The following PRKN variants were observed in gnomAD, a reference collection of about 807,000 sequenced individuals.
PRKN encodes parkin RBR E3 ubiquitin protein ligase, also known as E3 ubiquitin-protein ligase parkin.
PRKN carries 56 observed loss-of-function variants against 59.5 expected under a neutral mutation model. That is an observed-to-expected ratio of 0.94 (90% confidence interval 0.76 to 1.18). The LOEUF is 1.18. Ranked by LOEUF, PRKN falls within the 50% of genes most tolerant of loss-of-function variation. The pLI is 0.00. For synonymous variants in PRKN, 250 were observed against 222.1 expected, an observed-to-expected ratio of 1.13 and a Z score of -1.12; for missense variants, 657 against 596.4, an observed-to-expected ratio of 1.10 and a Z score of -1.06.
At chr6:162,285,474 T>C (rs1399584647) in intron 2 of PRKN, among the ~76,000 whole-genome samples, 1 of 152,076 alleles carries the variant, frequency 6.6e-6, no homozygotes, top group East Asian at 1.9e-4. Context: ...CATGGGGTTA[T>C]TCATTTCTGC....
chr6:161,492,374 T>A (rs1777591455), intron 9 of PRKN, among the ~76,000 whole-genome samples: 1 of 152,146 alleles, frequency 6.6e-6, no homozygotes, highest in African/African-American at 2.4e-5. Context: ...TGATAAGGGG[T>A]AAAAGTAAAA....
In PRKN at chr6:162,417,801, T is replaced by TG. The variant is rs199553973; in HGVS notation, c.171+25508dup. Among the ~76,000 whole-genome samples, 329 of 152,346 alleles carry TG rather than the reference T, an allele frequency of 2.2e-3. 1 individual carries two copies. Among genetic ancestry groups the TG allele is most frequent in the African/African-American group, 7.6e-3 (314 of 41,586 alleles). On this transcript the variant is annotated intron_variant, in intron 2 of 11. Transcript: ENST00000366898. ...GAGAAATCAAGAGTTAGTGTCCACG[T>TG]GGCAGGTTTTCCAAGACCTAAGTGT...
chr6:161,832,422 G>A (rs556358850), intron 6 of PRKN, among the ~76,000 whole-genome samples: 3 of 152,046 alleles, frequency 2.0e-5, no homozygotes, highest in African/African-American at 4.8e-5. Flanking sequence ...TCAGGAGATC[G>A]AGACCATCCT....
intron 1 of PRKN, among the ~76,000 whole-genome samples, chr6:162,716,810 ACTC>A (rs752896777): frequency 8.0e-5 from 12 of 150,704 alleles, no homozygotes; most frequent in South Asian, 4.2e-4. Context: ...ACACACACAG[ACTC>A]CTCATGTGTA....
Position 161,392,984 on chromosome 6 carries a change from C to T in PRKN, c.1084-6107G>A, listed in dbSNP as rs374955948. Among the ~76,000 whole-genome samples the T allele has an allele frequency of 1.1e-4, 16 of 152,038 alleles. 1 individual carries two copies. The highest frequency in any genetic ancestry group is 2.9e-4 in the African/African-American group (12 of 41,344). On this transcript the variant is annotated intron_variant, in intron 9 of 11. Coordinates refer to ENST00000366898, the MANE Select transcript of PRKN (RefSeq NM_004562.3). The stretch of plus-strand genomic sequence containing the variant: ...TGTGAAATCGTGTACTAGATCTTTA[C>T]ATGTTTAAATACCAGATGTAGATTA...
intron 7 of PRKN, among the ~76,000 whole-genome samples, chr6:161,650,805 T>A (rs1784124784): frequency 6.6e-6 from 1 of 152,172 alleles, no homozygotes; most frequent in South Asian, 2.1e-4. Flanking sequence ...CCTTGGAGAA[T>A]GTTTACTAAA....
At chr6:161,950,222 CATGA>C (rs1361795467) in intron 6 of PRKN, among the ~76,000 whole-genome samples, 1 of 152,192 alleles carries the variant, frequency 6.6e-6, no homozygotes, top group Non-Finnish European at 1.5e-5. Flanking sequence ...ACACAGAAAA[CATGA>C]ATGGACCCAA....
At chr6:161,516,721 G>C (rs1472551652) in intron 9 of PRKN, among the ~76,000 whole-genome samples, 3 of 149,364 alleles carry the variant, frequency 2.0e-5, no homozygotes, top group Non-Finnish European at 3.0e-5. Context: ...TAGCTATTCA[G>C]GAGGCTGAGG....
chr6:162,363,265 G>C (rs1785248871), intron 2 of PRKN, among the ~76,000 whole-genome samples: 1 of 151,876 alleles, frequency 6.6e-6, no homozygotes, highest in Non-Finnish European at 1.5e-5. Flanking sequence ...GCAATTCAAA[G>C]TACATTGTCC....
At chr6:162,039,073 G>A (rs1268272432) in intron 5 of PRKN, among the ~76,000 whole-genome samples, 2 of 151,856 alleles carry the variant, frequency 1.3e-5, no homozygotes, top group East Asian at 3.9e-4. Flanking sequence ...GGAGAATGGC[G>A]TGAACCCAGG....
chr6:162,195,349 GT>G (rs1233963058), intron 4 of PRKN, among the ~76,000 whole-genome samples: 2 of 152,264 alleles, frequency 1.3e-5, no homozygotes, highest in African/African-American at 4.8e-5. Flanking sequence ...GTAAGCTTAG[GT>G]CTATTCTAAG....
rs534600811 is a variant in PRKN, at chr6:161,854,465, C to A, written c.735-68557G>T. 2.2e-4 allele frequency among the ~76,000 whole-genome samples: 34 copies of A among 152,144 alleles called. 1 individual carries two copies. The East Asian group carries it at 5.6e-3, about 25-fold the overall frequency. On this transcript the variant is annotated intron_variant, in intron 6 of 11. Transcript: ENST00000366898. The stretch of plus-strand genomic sequence containing the variant: ...AAGTAATTTTTTCTGTCTATTCAAC[C>A]CACAATCATCACAGGCTATATTTGA...
At chr6:161,568,906 G>A (rs1180167914) in intron 8 of PRKN, among the ~76,000 whole-genome samples, 2 of 151,250 alleles carry the variant, frequency 1.3e-5, no homozygotes, top group African/African-American at 4.9e-5. Flanking sequence ...GACGTCACAT[G>A]TTCATACCCG....
Position 161,420,190 on chromosome 6 carries a change from A to T in PRKN, c.1084-33313T>A, listed in dbSNP as rs183448266. On this transcript the variant is annotated intron_variant, in intron 9 of 11. Transcript: ENST00000366898. ...GAGACAGAGGTTGCAGTGAGCCGAG[A>T]TCATGCGCCGCTGCACTCCAGCCAG... Among the ~76,000 whole-genome samples, 304 of 151,156 alleles carry T rather than the reference A, an allele frequency of 2.0e-3. 3 individuals are homozygous for T. The South Asian group carries it at 0.028, about 14-fold the overall frequency.
chr6:162,423,268 T>C (rs1391721044), intron 2 of PRKN, among the ~76,000 whole-genome samples: 1 of 151,474 alleles, frequency 6.6e-6, no homozygotes, highest in Admixed American at 6.6e-5. Context: ...GTTGAGGTAA[T>C]GAACAACAAG....
intron 2 of PRKN, among the ~76,000 whole-genome samples, chr6:162,352,553 T>C (rs533685383): frequency 5.9e-5 from 9 of 152,044 alleles, no homozygotes; most frequent in Admixed American, 3.9e-4. Context: ...AAAACTCTAA[T>C]ATGGGAGGAG....
At chr6:162,171,410 G>A (rs1228276661) in intron 4 of PRKN, among the ~76,000 whole-genome samples, 3 of 152,084 alleles carry the variant, frequency 2.0e-5, no homozygotes, top group Admixed American at 1.3e-4. Context: ...TGGTTGAAAC[G>A]CTGCTTTTCT....
chr6:162,081,388 C>G (rs923078934), intron 4 of PRKN, among the ~76,000 whole-genome samples: 2 of 152,116 alleles, frequency 1.3e-5, no homozygotes, highest in African/African-American at 4.8e-5. Context: ...GATCCATGGA[C>G]TGCAGAATTT....
At position 161,643,794 on chromosome 6, in the gene PRKN, T is replaced by C. The variant is rs1299599694; in HGVS notation, c.872-74378A>G. ...TTTTACTACTAAAACAAGTAAAATT[T>C]TTTTTAAAAAAACTTTCATATTAGG... On this transcript the variant is annotated intron_variant, in intron 7 of 11. Transcript: ENST00000366898. 2.0e-5 allele frequency among the ~76,000 whole-genome samples: 3 copies of C among 152,202 alleles called. No individual in the cohort carries two copies. The East Asian group carries it at 5.8e-4, about 29-fold the overall frequency.
Sources: gnomAD v4.1 joint callset for allele counts (sites outside exome capture counted in the v4.1 genomes callset) on GRCh38, gnomAD v4.1.1 for gene constraint, MANE v1.5 for transcripts, NCBI Gene and HGNC (gene_info 2026-07-23, HGNC 2026-07-21) for gene names.